The following CSMD3 variants were observed in gnomAD, a reference collection of about 807,000 sequenced individuals.
CSMD3 encodes the protein CUB and sushi domain-containing protein 3.
CSMD3 carries 177 observed loss-of-function variants against 435.2 expected under a neutral mutation model. The observed-to-expected ratio is 0.41, with a 90% CI of 0.36 to 0.46. The LOEUF is 0.46. Ranked by LOEUF, CSMD3 falls within the 20% of genes least tolerant of loss-of-function variation. The pLI is 0.34. For missense variants in CSMD3, 4,265 were observed against 4,504.6 expected (o/e 0.95, Z 1.52); for synonymous variants, 1,656 against 1,520.5 (o/e 1.09, Z -2.07).
At chr8:112,312,811 A>G (rs1029750814) in intron 49 of CSMD3, among the ~76,000 whole-genome samples, 1 of 152,186 alleles carries the variant, frequency 6.6e-6, no homozygotes, top group African/African-American at 2.4e-5. Flanking sequence ...TAAATGAGTA[A>G]AATTCAAGAG....
chr8:112,964,712 G>A (rs1165120016), intron 7 of CSMD3, among the ~76,000 whole-genome samples: 1 of 151,648 alleles, frequency 6.6e-6, no homozygotes, highest in African/African-American at 2.4e-5. Context: ...TCTGGGCTCT[G>A]GATAAAATTA....
intron 4 of CSMD3, among the ~76,000 whole-genome samples, chr8:113,163,873 T>TA (rs1204083885): frequency 2.0e-5 from 3 of 151,974 alleles, no homozygotes; most frequent in Non-Finnish European, 2.9e-5. Context: ...TATATGTCAG[T>TA]AAAAAGAGGT....
intron 45 of CSMD3, among the ~76,000 whole-genome samples, chr8:112,322,576 A>C (rs925336299): frequency 1.3e-5 from 2 of 152,022 alleles, no homozygotes; most frequent in African/African-American, 4.8e-5. Flanking sequence ...CTTTCCTTTG[A>C]ATAAACATTC....
At chr8:112,764,097 G>A (rs1478088413) in intron 13 of CSMD3, among the ~76,000 whole-genome samples, 2 of 151,344 alleles carry the variant, frequency 1.3e-5, no homozygotes, top group African/African-American at 2.4e-5. Flanking sequence ...ATTAATACAA[G>A]TGACATTTCA....
At chr8:112,346,868 CG>C (rs1472620591) in intron 40 of CSMD3, among the ~76,000 whole-genome samples, 2 of 151,250 alleles carry the variant, frequency 1.3e-5, no homozygotes, top group African/African-American at 2.4e-5. Flanking sequence ...TTAGTAGAGA[CG>C]GGGGTTTCAT....
At chr8:113,421,717 C>T (rs574572888) in intron 1 of CSMD3, among the ~76,000 whole-genome samples, 3 of 152,202 alleles carry the variant, frequency 2.0e-5, no homozygotes, top group African/African-American at 7.2e-5. Flanking sequence ...TTTCACCAAG[C>T]ACAAGGAAGG....
chr8:113,314,800 CA>C lies in CSMD3; in HGVS notation c.179-8del, dbSNP rs1377430879. ...CCACATGTATAAATAAATCCTGCAACAAAAGACAATAAACAGACATTAATAT... is the reference window on the plus strand; with the variant it reads ...CCACATGTATAAATAAATCCTGCAACAAAGACAATAAACAGACATTAATAT... On this transcript the variant is annotated splice_polypyrimidine_tract_variant and splice_region_variant and intron_variant, in intron 1 of 70. Coordinates refer to ENST00000297405, the MANE Select transcript of CSMD3 (RefSeq NM_198123.2). 3 of 1,507,400 alleles carry C rather than the reference CA, an allele frequency of 2.0e-6. No homozygotes were observed. The African/African-American group carries it at 4.1e-5, about 21-fold the overall frequency. The allele number at this position is 1,507,400 out of a possible 1,614,324, so 93.4% of individuals were successfully genotyped here.
chr8:112,830,791 T>TC (rs1464860370), intron 11 of CSMD3, among the ~76,000 whole-genome samples: 1 of 150,518 alleles, frequency 6.6e-6, no homozygotes, highest in Non-Finnish European at 1.5e-5. Context: ...TAACAATTTT[T>TC]TTTTTTTTTT....
At chr8:113,238,182 T>C (rs2093171704) in intron 3 of CSMD3, among the ~76,000 whole-genome samples, 1 of 152,056 alleles carries the variant, frequency 6.6e-6, no homozygotes, top group South Asian at 2.1e-4. Context: ...TTCTGCATAT[T>C]TGGTGGTAAG....
At chr8:113,287,950 G>T (rs1303773806) in intron 2 of CSMD3, among the ~76,000 whole-genome samples, 1 of 151,448 alleles carries the variant, frequency 6.6e-6, no homozygotes, top group Non-Finnish European at 1.5e-5. Flanking sequence ...TCATTTTTTT[G>T]GTCTGAGCAC....
intron 13 of CSMD3, among the ~76,000 whole-genome samples, chr8:112,720,528 T>C (rs2076834287): frequency 6.6e-6 from 1 of 152,194 alleles, no homozygotes; most frequent in Admixed American, 6.6e-5. Flanking sequence ...TATTTTAAAC[T>C]GTCCTAGGCC....
chr8:112,360,163 T>C (rs1402120417), intron 38 of CSMD3, among the ~76,000 whole-genome samples: 1 of 151,998 alleles, frequency 6.6e-6, no homozygotes, highest in Non-Finnish European at 1.5e-5. Flanking sequence ...GAACAGTAAA[T>C]TTATTACTCT....
chr8:112,689,779 T>C, intron 14 of CSMD3, 89 bp downstream of exon 14: 1 of 1,108,966 alleles, frequency 9.0e-7, no homozygotes, highest in South Asian at 1.3e-5. Context: ...AATTACACGG[T>C]TGCAGCTCTT....
At chr8:112,375,077 C>T (rs1236159608) in intron 38 of CSMD3, among the ~76,000 whole-genome samples, 1 of 152,120 alleles carries the variant, frequency 6.6e-6, no homozygotes, top group Non-Finnish European at 1.5e-5. Flanking sequence ...ATCATTTGTT[C>T]TTATGCTCAT....
chr8:112,277,787 A>G (rs1179394134), intron 59 of CSMD3, among the ~76,000 whole-genome samples: 1 of 152,186 alleles, frequency 6.6e-6, no homozygotes, highest in African/African-American at 2.4e-5. Flanking sequence ...GACAGTCAAG[A>G]GAGAATGAGA....
chr8:113,305,327 G>C (rs921883594), intron 2 of CSMD3, among the ~76,000 whole-genome samples: 1 of 151,998 alleles, frequency 6.6e-6, no homozygotes, highest in African/African-American at 2.4e-5. Context: ...TTTAAAAAAA[G>C]AGAAAATGAA....
In CSMD3 at chr8:112,237,237, C is replaced by G. The variant is rs749606037; in HGVS notation, c.10580G>C (p.Arg3527Thr). 9 of 1,613,632 alleles carry G rather than the reference C, an allele frequency of 5.6e-6. No homozygotes were observed. The highest frequency in any genetic ancestry group is 7.6e-6 in the Non-Finnish European group (9 of 1,179,642). The change falls in exon 67 of 71, where the codon AGA becomes ACA. Residue 3527 changes from arginine (R) to threonine (T), a missense_variant. Physicochemically the swap from Arg to Thr is moderately conservative, Grantham distance 71. This residue lies in a region of CSMD3 where 3,255 missense variants were observed against 3,380.2 expected (regional missense o/e 0.96). Coordinates refer to ENST00000297405, the MANE Select transcript of CSMD3 (RefSeq NM_198123.2). ...TVTSFNASTG[R>T]VNATLSNSNM... ...GCTATTGCTCAGTGTTGCGTTAACT[C>G]TCCCAGTGGAAGCATTGAAACTAGT...
chr8:113,239,624 A>G lies in CSMD3; in HGVS notation c.514+38968T>C, dbSNP rs577334852. Among the ~76,000 whole-genome samples, 33 of 152,216 alleles carry G rather than the reference A, an allele frequency of 2.2e-4. No homozygotes were observed. The South Asian group carries it at 5.6e-3, about 26-fold the overall frequency. On this transcript the variant is annotated intron_variant, in intron 3 of 70. Transcript: ENST00000297405. ...TGGGCTGTTTCTGTAACAAGTATCT[A>G]AATATGTGTTAACATGGCTTTGGAA...
In CSMD3 at chr8:112,228,817, T is replaced by C; in HGVS notation, c.10903A>G (p.Ile3635Val). 6.3e-7 allele frequency: 1 copy of C among 1,589,900 alleles called. No individual in the cohort carries two copies. Among genetic ancestry groups the C allele is most frequent in the Non-Finnish European group, 8.6e-7 (1 of 1,158,592 alleles). The stretch of plus-strand genomic sequence containing the variant: ...ATAAGTGCAAAAAAAGGCACAAGAA[T>C]AGCAATGGCTACAGAACTACTATTT... ...GTNSSSVAIA[I>V]LVPFFALIFA... Residue 3635 changes from isoleucine to valine, a missense_variant, in exon 70 of 71, where the codon ATT becomes GTT. This residue lies in a region of CSMD3 where 3,255 missense variants were observed against 3,380.2 expected (regional missense o/e 0.96). Transcript: ENST00000297405.
Sources: gnomAD v4.1 joint callset for allele counts (sites outside exome capture counted in the v4.1 genomes callset) on GRCh38, gnomAD v4.1.1 for gene constraint, gnomAD v4.1.1 regional missense constraint, MANE v1.5 for transcripts, NCBI Gene and HGNC (gene_info 2026-07-23, HGNC 2026-07-21) for gene names.